The following CASQ2 variants were observed in gnomAD, a reference collection of about 807,000 sequenced individuals.
CASQ2 encodes the protein calsequestrin-2.
CASQ2 carries 49 observed loss-of-function variants against 46.5 expected under a neutral mutation model. The ratio of observed to expected loss-of-function variants is 1.05; its 90% CI spans 0.84 to 1.34. CASQ2 has a LOEUF of 1.34. Ranked by LOEUF, CASQ2 falls within the 40% of genes most tolerant of loss-of-function variation. The probability of loss-of-function intolerance (pLI) is 0.00; values close to 1 mark genes in which losing one functional copy is unlikely to be tolerated. For missense variants in CASQ2, 486 were observed against 481.3 expected (o/e 1.01, Z -0.09); for synonymous variants, 174 against 168.5 (o/e 1.03, Z -0.25).
chr1:115,768,601 A>T lies in CASQ2; in HGVS notation c.-60T>A. ...CTGTGTGCAGAATAGAGGACAGAAG[A>T]CTGTTAGAGGCCTTGTTGAGCCAAG... On this transcript the variant is annotated 5_prime_UTR_variant, in exon 1 of 11. Transcript: ENST00000261448. 1.9e-6 allele frequency: 2 copies of T among 1,080,594 alleles called. No homozygotes were observed. The highest frequency in any genetic ancestry group is 2.8e-6 in the Non-Finnish European group (2 of 713,510). The allele number at this position is 1,080,594 out of a possible 1,614,324, so 66.9% of individuals were successfully genotyped here.
In CASQ2 at chr1:115,727,812, GA is replaced by G. The variant is rs1159738606; in HGVS notation, c.607-691del. The stretch of plus-strand genomic sequence containing the variant: ...ACTTGGACAGACCCCAGTAAGCCAG[GA>G]TGATTTGCTCATCTTACAACAGATA... On this transcript the variant is annotated intron_variant, in intron 5 of 10. Coordinates refer to ENST00000261448, the MANE Select transcript of CASQ2 (RefSeq NM_001232.4). Among the ~76,000 whole-genome samples, 3 of 152,318 alleles carry G rather than the reference GA, an allele frequency of 2.0e-5. No homozygotes were observed. In the East Asian group the frequency reaches 5.8e-4, roughly 29 times the overall value.
At position 115,768,567 on chromosome 1, in the gene CASQ2, C is replaced by T. The variant is rs1475107473; in HGVS notation, c.-26G>A. On this transcript the variant is annotated 5_prime_UTR_variant, in exon 1 of 11. Coordinates refer to ENST00000261448, the MANE Select transcript of CASQ2 (RefSeq NM_001232.4). ...TTGGGAAAACTTTTGTTTCTCGTTC[C>T]CAAATATGCTGTGTGCAGAATAGAG... The T allele has an allele frequency of 6.9e-7, 1 of 1,458,888 alleles. No homozygotes were observed. Among genetic ancestry groups the T allele is most frequent in the Admixed American group, 1.7e-5 (1 of 58,708 alleles). 90.4% of individuals were successfully genotyped at this position (1,458,888 alleles called of 1,614,324 possible).
Position 115,768,463 on chromosome 1 carries a change from T to TG in CASQ2, c.78dup (p.Thr27HisfsTer3). ...ACCACTCGGTCCTTCCCATCATATG[T>TG]GGGGAAATTAAGCCCCTCTTCTGCC... On this transcript the variant is annotated frameshift_variant, in exon 1 of 11. Transcript: ENST00000261448. LOFTEE classifies it high-confidence loss of function. The TG allele has an allele frequency of 6.2e-7, 1 of 1,613,696 alleles. No homozygotes were observed. Among genetic ancestry groups the TG allele is most frequent in the Non-Finnish European group, 8.5e-7 (1 of 1,179,568 alleles).
intron 10 of CASQ2, 142 bp downstream of exon 10, chr1:115,702,779 C>T: frequency 1.4e-6 from 1 of 705,254 alleles, no homozygotes; most frequent in Non-Finnish European, 2.5e-6. Flanking sequence ...GCGTGGAACA[C>T]ACTGGCAAGT....
At chr1:115,765,822 GCCT>G (rs1443767568) in intron 1 of CASQ2, among the ~76,000 whole-genome samples, 5 of 152,144 alleles carry the variant, frequency 3.3e-5, no homozygotes, top group Non-Finnish European at 5.9e-5. Flanking sequence ...ACTGGGAACT[GCCT>G]CCTCTTTTCC....
chr1:115,761,671 G>A (rs954469582), intron 1 of CASQ2, among the ~76,000 whole-genome samples: 6 of 151,528 alleles, frequency 4.0e-5, no homozygotes, highest in African/African-American at 7.3e-5. Flanking sequence ...GAAGGAAGAA[G>A]GAAGCTCAGT....
At chr1:115,752,923 C>A (rs142797791) in intron 1 of CASQ2, among the ~76,000 whole-genome samples, 1 of 152,152 alleles carries the variant, frequency 6.6e-6, no homozygotes, top group African/African-American at 2.4e-5. Flanking sequence ...AAAAGTGACA[C>A]GTGCAGGTGG....
chr1:115,717,161 C>T (rs1383810583), intron 8 of CASQ2, among the ~76,000 whole-genome samples: 1 of 152,216 alleles, frequency 6.6e-6, no homozygotes, highest in East Asian at 1.9e-4. Context: ...AGATACTGCC[C>T]TGTTTCCTGT....
rs3811005 is a variant in CASQ2, at chr1:115,704,914, G to C, written c.939+278C>G. Among the ~76,000 whole-genome samples the C allele has an allele frequency of 0.4, 60,174 of 152,128 alleles. 13,072 individuals carry two copies. The highest frequency in any genetic ancestry group is 0.57 in the African/African-American group (23,463 of 41,516). On this transcript the variant is annotated intron_variant, in intron 9 of 10. Coordinates refer to ENST00000261448, the MANE Select transcript of CASQ2 (RefSeq NM_001232.4). ...AATGGAGTGATGAGGGGCAGCTCTG[G>C]AGCTGCTGCCGAAGGAGTTTACCCT...
Position 115,702,915 on chromosome 1 carries a change from A to G in CASQ2, c.1014+6T>C. 6.2e-7 allele frequency: 1 copy of G among 1,610,572 alleles called. No individual in the cohort carries two copies. The highest frequency in any genetic ancestry group is 8.5e-7 in the Non-Finnish European group (1 of 1,177,380). Reference sequence around the variant, plus strand: ...GCCTGAGCAAGCCTTCACAGGGGATACTCACATCTGTGACATTCACCACCC... The same window carrying G: ...GCCTGAGCAAGCCTTCACAGGGGATGCTCACATCTGTGACATTCACCACCC... On this transcript the variant is annotated splice_donor_region_variant and intron_variant, in intron 10 of 10. Coordinates refer to ENST00000261448, the MANE Select transcript of CASQ2 (RefSeq NM_001232.4).
At chr1:115,740,863 T>G (rs373113864) in intron 2 of CASQ2, 35 bp from the exon 3 acceptor site, 6 of 1,400,312 alleles carry the variant, frequency 4.3e-6, no homozygotes, top group Admixed American at 1.7e-5. Flanking sequence ...GAGAAGGTCA[T>G]CCTGACGTAG....
intron 1 of CASQ2, among the ~76,000 whole-genome samples, chr1:115,755,719 C>T (rs1648733121): frequency 6.6e-6 from 1 of 152,158 alleles, no homozygotes; most frequent in African/African-American, 2.4e-5. Context: ...TCAGGAGCAG[C>T]CCTTCACTCA....
intron 8 of CASQ2, among the ~76,000 whole-genome samples, chr1:115,712,419 G>A (rs759781116): frequency 6.6e-6 from 1 of 152,190 alleles, no homozygotes; most frequent in Non-Finnish European, 1.5e-5. Context: ...GATGGTTACA[G>A]AGCCCAGACT....
At chr1:115,742,557 G>C (rs907949887) in intron 2 of CASQ2, among the ~76,000 whole-genome samples, 1 of 152,204 alleles carries the variant, frequency 6.6e-6, no homozygotes, top group African/African-American at 2.4e-5. Context: ...GCTTGTTTCA[G>C]TGTATCAAGC....
Position 115,705,310 on chromosome 1 carries a change from A to T in CASQ2, c.839-18T>A, listed in dbSNP as rs937480272. ...GTAGCCATCTGAAACAGGATTCAAG[A>T]GAGTTGAGTAACCCCTGCACATACA... On this transcript the variant is annotated intron_variant, in intron 8 of 10. Transcript: ENST00000261448. 6.5e-7 allele frequency: 1 copy of T among 1,527,378 alleles called. No individual in the cohort carries two copies. Among genetic ancestry groups the T allele is most frequent in the Middle Eastern group, 1.7e-4 (1 of 5,870 alleles). 94.6% of individuals were successfully genotyped at this position (1,527,378 alleles called of 1,614,324 possible). A position where few individuals can be genotyped will look rare whatever the true frequency, so the allele number is the denominator to read the frequency against.
At chr1:115,711,957 T>C (rs183394664) in intron 8 of CASQ2, among the ~76,000 whole-genome samples, 6 of 152,298 alleles carry the variant, frequency 3.9e-5, no homozygotes, top group Admixed American at 3.9e-4. Context: ...GTTTGTTTGT[T>C]TGTTTTCAGC....
intron 10 of CASQ2, 100 bp from the exon 11 acceptor site, chr1:115,701,526 C>T (rs776619540): frequency 1.3e-5 from 10 of 779,300 alleles, no homozygotes; most frequent in Non-Finnish European, 2.3e-5. Context: ...CCCCCCGACT[C>T]TCTTACACTT....
chr1:115,727,139 TAAGAC>T lies in CASQ2; in HGVS notation c.607-22_607-18del. 6.3e-7 allele frequency: 1 copy of T among 1,594,954 alleles called. No individual in the cohort carries two copies. Among genetic ancestry groups the T allele is most frequent in the Non-Finnish European group, 8.6e-7 (1 of 1,163,204 alleles). ...CTTTGCAACCTGTAACCATTAGAAA[TAAGAC>T]AAAGTTTATTTGAATACTAGTCTAG... is the stretch of plus-strand genomic sequence containing the variant. On this transcript the variant is annotated intron_variant, in intron 5 of 10. Coordinates refer to ENST00000261448, the MANE Select transcript of CASQ2 (RefSeq NM_001232.4).
intron 8 of CASQ2, among the ~76,000 whole-genome samples, chr1:115,715,499 A>C (rs1654673430): frequency 1.3e-5 from 2 of 152,226 alleles, no homozygotes; most frequent in Non-Finnish European, 2.9e-5. Context: ...TGAAATGTCC[A>C]GAATAGGCAA....
Sources: gnomAD v4.1 joint callset for allele counts (sites outside exome capture counted in the v4.1 genomes callset) on GRCh38, gnomAD v4.1.1 for gene constraint, MANE v1.5 for transcripts, NCBI Gene and HGNC (gene_info 2026-07-23, HGNC 2026-07-21) for gene names.